The following RNF216 variants were observed in gnomAD, a reference collection of about 807,000 sequenced individuals.
RNF216 encodes E3 ubiquitin-protein ligase RNF216.
A neutral mutation model predicts 110.8 loss-of-function variants in RNF216; 72 were observed. The observed-to-expected ratio is 0.65, with a 90% CI of 0.54 to 0.79. The LOEUF (loss-of-function observed/expected upper bound fraction) is 0.79, where lower values mean the gene tolerates loss of function less well. RNF216 is among the 30% of genes least tolerant of loss of function. The probability of loss-of-function intolerance (pLI) is 0.00; values close to 1 mark genes in which losing one functional copy is unlikely to be tolerated. For missense variants in RNF216, 1,342 were observed against 1,141.2 expected, an observed-to-expected ratio of 1.18 and a Z score of -2.54; for synonymous variants, 495 against 407.5, an observed-to-expected ratio of 1.21 and a Z score of -2.59.
chr7:5,659,471 G>A (rs1044759747), intron 13 of RNF216, among the ~76,000 whole-genome samples: 3 of 152,156 alleles, frequency 2.0e-5, no homozygotes, highest in Non-Finnish European at 4.4e-5. Flanking sequence ...CAGTATGGCT[G>A]GAGCCCAGTG....
chr7:5,657,113 A>C (rs1788794740), intron 13 of RNF216, among the ~76,000 whole-genome samples: 1 of 152,272 alleles, frequency 6.6e-6, no homozygotes, highest in South Asian at 2.1e-4. Context: ...AGCAGAACAA[A>C]GTACAAACTG....
At chr7:5,646,812 A>G (rs1788078131) in intron 14 of RNF216, among the ~76,000 whole-genome samples, 1 of 152,082 alleles carries the variant, frequency 6.6e-6, no homozygotes, top group Non-Finnish European at 1.5e-5. Context: ...GAAAGAACCA[A>G]TCCTCCCATC....
At chr7:5,742,527 T>G (rs1584553295) in intron 3 of RNF216, among the ~76,000 whole-genome samples, 1 of 150,636 alleles carries the variant, frequency 6.6e-6, no homozygotes, top group East Asian at 1.9e-4. Context: ...TTTTTCCCTG[T>G]AAGACCGGCA....
intron 13 of RNF216, among the ~76,000 whole-genome samples, chr7:5,699,486 A>C (rs1486891612): frequency 1.3e-5 from 2 of 152,224 alleles, no homozygotes; most frequent in Non-Finnish European, 2.9e-5. Context: ...CTCCCTGCTC[A>C]AGCTATTCTT....
intron 2 of RNF216, among the ~76,000 whole-genome samples, chr7:5,756,401 T>C (rs982919229): frequency 2.0e-5 from 3 of 152,210 alleles, no homozygotes; most frequent in African/African-American, 7.2e-5. Context: ...AGAAACCATA[T>C]GGCCCGCGAG....
At chr7:5,653,207 C>A (rs1486302444) in intron 13 of RNF216, among the ~76,000 whole-genome samples, 1 of 152,118 alleles carries the variant, frequency 6.6e-6, no homozygotes, top group Non-Finnish European at 1.5e-5. Context: ...TATAAACATG[C>A]ATCTTAAATA....
At chr7:5,661,648 C>A (rs970765142) in intron 13 of RNF216, among the ~76,000 whole-genome samples, 6 of 151,974 alleles carry the variant, frequency 3.9e-5, no homozygotes, top group African/African-American at 1.4e-4. Context: ...ACAAAAAATA[C>A]AAAAATTAGC....
intron 13 of RNF216, among the ~76,000 whole-genome samples, chr7:5,699,673 T>C (rs961771195): frequency 6.6e-6 from 1 of 152,240 alleles, no homozygotes; most frequent in African/African-American, 2.4e-5. Flanking sequence ...TGTTATTTAG[T>C]TTCAGAAGAG....
Position 5,622,507 on chromosome 7 carries a change from A to AC in RNF216, c.*352dup, listed in dbSNP as rs1453370237. ...GGGAGATGCTCTCGGCTGCCTTGCT[A>AC]CCCAGGGGTCGGCTCCGAGGAGAGG... On this transcript the variant is annotated 3_prime_UTR_variant, in exon 17 of 17. Transcript: ENST00000389902. 6 of 210,834 alleles carry AC rather than the reference A, an allele frequency of 2.8e-5. No individual in the cohort carries two copies. The highest frequency in any genetic ancestry group is 5.6e-5 in the Non-Finnish European group (6 of 106,540). The allele number at this position is 210,834 out of a possible 1,614,324, so 13.1% of individuals were successfully genotyped here. A position where few individuals can be genotyped will look rare whatever the true frequency, so the allele number is the denominator to read the frequency against.
At chr7:5,669,797 T>C (rs1242370220) in intron 13 of RNF216, among the ~76,000 whole-genome samples, 1 of 152,064 alleles carries the variant, frequency 6.6e-6, no homozygotes, top group Non-Finnish European at 1.5e-5. Flanking sequence ...GAGGCCGAGG[T>C]AGGAGAATTG....
At chr7:5,740,104 C>CTTTTTTTTTTTTTTTTTTTTTTTTTTTT (rs71004698) in intron 4 of RNF216, among the ~76,000 whole-genome samples, 2 of 118,502 alleles carry the variant, frequency 1.7e-5, no homozygotes, top group Non-Finnish European at 3.5e-5. Flanking sequence ...GATGTAACAC[C>CTTTTTTTTTTTTTTTTTTTTTTTTTTTT]TTTTTTTTTT....
intron 13 of RNF216, among the ~76,000 whole-genome samples, chr7:5,670,823 A>T (rs1320033390): frequency 6.6e-6 from 1 of 152,126 alleles, no homozygotes; most frequent in East Asian, 1.9e-4. Context: ...CCTACCCGGG[A>T]GGAACTTGTA....
intron 13 of RNF216, among the ~76,000 whole-genome samples, chr7:5,705,533 G>A (rs1270365946): frequency 2.0e-5 from 3 of 152,132 alleles, no homozygotes; most frequent in Admixed American, 6.6e-5. Flanking sequence ...TCAAACCTCA[G>A]TAGTTCAAAA....
intron 4 of RNF216, chr7:5,739,761 G>A: frequency 5.1e-6 from 2 of 391,428 alleles, no homozygotes; most frequent in Admixed American, 2.9e-5. Flanking sequence ...AGCACTTTGG[G>A]AGGTCGAGGC....
intron 1 of RNF216, among the ~76,000 whole-genome samples, chr7:5,773,054 A>G (rs1796581842): frequency 6.6e-6 from 1 of 152,114 alleles, no homozygotes; most frequent in African/African-American, 2.4e-5. Context: ...TGGTGGGATT[A>G]CAGGCATGAG....
chr7:5,723,403 T>C (rs1793557021), intron 8 of RNF216, among the ~76,000 whole-genome samples: 1 of 152,172 alleles, frequency 6.6e-6, no homozygotes, highest in South Asian at 2.1e-4. Context: ...AATCTCGCAC[T>C]TTGGGAGGCC....
intron 5 of RNF216, 142 bp downstream of exon 5, chr7:5,739,134 G>C (rs1794607583): frequency 4.1e-6 from 4 of 978,258 alleles, no homozygotes; most frequent in Non-Finnish European, 4.2e-6. Flanking sequence ...AAGATGGATG[G>C]TGGTGATAGT....
chr7:5,688,679 T>C (rs1303018477), intron 13 of RNF216, among the ~76,000 whole-genome samples: 1 of 152,190 alleles, frequency 6.6e-6, no homozygotes, highest in Non-Finnish European at 1.5e-5. Context: ...CATCTGACAG[T>C]GTATCTTCTG....
chr7:5,769,972 G>A (rs1796407554), intron 1 of RNF216, among the ~76,000 whole-genome samples: 1 of 125,806 alleles, frequency 7.9e-6, no homozygotes, highest in African/African-American at 3.1e-5. Flanking sequence ...GTTGCAGTGA[G>A]CTGAGATTGT....
Sources: allele counts gnomAD v4.1 joint callset (sites outside exome capture counted in the v4.1 genomes callset), GRCh38; gene constraint gnomAD v4.1.1; transcripts MANE v1.5; gene names NCBI Gene and HGNC (gene_info 2026-07-23, HGNC 2026-07-21).